Variants in AGTPBP1 observed in about 807,000 individuals in gnomAD.
AGTPBP1 encodes the protein cytosolic carboxypeptidase 1.
AGTPBP1 carries 70 observed loss-of-function variants against 143.9 expected under a neutral mutation model. The observed-to-expected ratio is 0.49, with a 90% CI of 0.40 to 0.59. The LOEUF (loss-of-function observed/expected upper bound fraction) is 0.59, where lower values mean the gene tolerates loss of function less well. Ranked by LOEUF, AGTPBP1 falls within the 20% of genes least tolerant of loss-of-function variation. AGTPBP1 has a pLI of 0.00. For missense variants in AGTPBP1, 1,229 were observed against 1,464.5 expected, an observed-to-expected ratio of 0.84 and a Z score of 2.62; for synonymous variants, 463 against 500.2, an observed-to-expected ratio of 0.93 and a Z score of 0.99.
At chr9:85,771,688 T>C in the AGTPBP1 span, among the ~76,000 whole-genome samples, 2 of 150,888 alleles carry the variant, frequency 1.3e-5, no homozygotes, top group Non-Finnish European at 1.5e-5. Context: ...AGTCTCGCTC[T>C]GTGGCCCAGG....
the AGTPBP1 span, among the ~76,000 whole-genome samples, chr9:85,800,670 CAT>C: frequency 6.6e-6 from 1 of 152,114 alleles, no homozygotes; most frequent in African/African-American, 2.4e-5. Context: ...TTAACATGTA[CAT>C]ATGCAATGAA....
chr9:85,747,958 G>T, the AGTPBP1 span, among the ~76,000 whole-genome samples: 6,643 of 151,244 alleles, frequency 0.044, 221 homozygotes, highest in African/African-American at 0.094. Context: ...TTCTGGATTT[G>T]TCTTTAAATA....
intron 17 of AGTPBP1, among the ~76,000 whole-genome samples, chr9:85,615,806 T>C (rs1245632695): frequency 6.6e-6 from 1 of 152,032 alleles, no homozygotes; most frequent in African/African-American, 2.4e-5. Flanking sequence ...GGCATACAGA[T>C]ACTTCTATGA....
the AGTPBP1 span, among the ~76,000 whole-genome samples, chr9:85,780,804 GT>G: frequency 6.6e-6 from 1 of 152,098 alleles, no homozygotes; most frequent in Non-Finnish European, 1.5e-5. Context: ...TAAATATATA[GT>G]CCAGGGCCTA....
At chr9:85,669,008 T>C (rs1444070547) in intron 8 of AGTPBP1, among the ~76,000 whole-genome samples, 1 of 62,838 alleles carries the variant, frequency 1.6e-5, no homozygotes, top group Non-Finnish European at 3.4e-5. Flanking sequence ...TGTGTGTGTG[T>C]ATACATACAC....
intron 6 of AGTPBP1, 51 bp from the exon 7 acceptor site, chr9:85,672,732 ATT>A (rs35158140): frequency 0.043 from 38,744 of 897,846 alleles, no homozygotes; most frequent in South Asian, 0.069. Flanking sequence ...TTTCTTTTTA[ATT>A]TTTTTTTTTT....
At chr9:85,690,017 C>G (rs1043530501) in intron 3 of AGTPBP1, among the ~76,000 whole-genome samples, 2 of 147,596 alleles carry the variant, frequency 1.4e-5, no homozygotes, top group Non-Finnish European at 3.0e-5. Context: ...TACACATTGC[C>G]AGATTATTTT....
intron 19 of AGTPBP1, among the ~76,000 whole-genome samples, chr9:85,591,948 G>T (rs1435258130): frequency 6.6e-6 from 1 of 151,740 alleles, no homozygotes; most frequent in African/African-American, 2.4e-5. Context: ...GTTTAGTTTT[G>T]GTTTTTAGTT....
the AGTPBP1 span, among the ~76,000 whole-genome samples, chr9:85,800,842 T>TAA: frequency 2.0e-5 from 3 of 148,316 alleles, no homozygotes; most frequent in Non-Finnish European, 4.5e-5. Context: ...TGTGTGTGTG[T>TAA]AACGTGTCTT....
the AGTPBP1 span, among the ~76,000 whole-genome samples, chr9:85,796,949 C>G: frequency 2.4e-4 from 36 of 151,868 alleles, no homozygotes; most frequent in Non-Finnish European, 2.6e-4. Flanking sequence ...ACCACACCCG[C>G]CTAATTTTTT....
At chr9:85,717,228 G>A (rs1284971393) in intron 1 of AGTPBP1, among the ~76,000 whole-genome samples, 1 of 152,172 alleles carries the variant, frequency 6.6e-6, no homozygotes, top group East Asian at 1.9e-4. Flanking sequence ...AACAGGCTGG[G>A]TGCAGTGACT....
intron 12 of AGTPBP1, among the ~76,000 whole-genome samples, chr9:85,645,272 G>T (rs1205113100): frequency 6.6e-6 from 1 of 152,166 alleles, no homozygotes; most frequent in Non-Finnish European, 1.5e-5. Context: ...GGGAAAACGT[G>T]AGCAATCACT....
Position 85,726,796 on chromosome 9 carries a change from T to TA in AGTPBP1, c.-33-14231dup, listed in dbSNP as rs1035297935. 1.6e-4 allele frequency among the ~76,000 whole-genome samples: 25 copies of TA among 151,724 alleles called. No individual in the cohort carries two copies. In the South Asian group the frequency reaches 2.7e-3, roughly 16 times the overall value. ...AACAAACAGAATAAAGATTTTGTTTTAAAAAAAAATCAGTGAAAAGACTGA... is the reference window on the plus strand; with the variant it reads ...AACAAACAGAATAAAGATTTTGTTTTAAAAAAAAAATCAGTGAAAAGACTGA... On this transcript the variant is annotated intron_variant, in intron 1 of 25. Coordinates refer to ENST00000357081, the MANE Select transcript of AGTPBP1 (RefSeq NM_001330701.2).
intron 17 of AGTPBP1, among the ~76,000 whole-genome samples, chr9:85,618,313 G>C (rs1830713155): frequency 1.3e-5 from 2 of 151,670 alleles, no homozygotes; most frequent in Admixed American, 1.3e-4. Flanking sequence ...TTTCATTACA[G>C]AATTCTACCA....
chr9:85,756,987 G>A, the AGTPBP1 span, among the ~76,000 whole-genome samples: 54 of 150,738 alleles, frequency 3.6e-4, no homozygotes, highest in African/African-American at 7.6e-4. Context: ...ACTAATAGGT[G>A]TGGGGTTTCT....
At chr9:85,687,089 A>C (rs1587902099) in intron 3 of AGTPBP1, among the ~76,000 whole-genome samples, 1 of 152,170 alleles carries the variant, frequency 6.6e-6, no homozygotes, top group Admixed American at 6.5e-5. Flanking sequence ...CTGGAGTGGC[A>C]ATATTATCAT....
intron 14 of AGTPBP1, among the ~76,000 whole-genome samples, chr9:85,628,670 G>A (rs1831455943): frequency 6.6e-6 from 1 of 152,126 alleles, no homozygotes; most frequent in African/African-American, 2.4e-5. Flanking sequence ...AATTTTCTAG[G>A]AGCAAATACA....
chr9:85,782,476 T>C, the AGTPBP1 span, among the ~76,000 whole-genome samples: 10 of 152,018 alleles, frequency 6.6e-5, no homozygotes, highest in African/African-American at 1.7e-4. Context: ...GATCACGACA[T>C]TGCACCCCGA....
chr9:85,744,968 T>C (rs1824564426), upstream of AGTPBP1, among the ~76,000 whole-genome samples: 1 of 152,244 alleles, frequency 6.6e-6, no homozygotes, highest in African/African-American at 2.4e-5. Flanking sequence ...CTTATTATGA[T>C]ATATAAAACT....
Sources: allele counts gnomAD v4.1 joint callset (sites outside exome capture counted in the v4.1 genomes callset), GRCh38; gene constraint gnomAD v4.1.1; transcripts MANE v1.5; gene names NCBI Gene and HGNC (gene_info 2026-07-23, HGNC 2026-07-21).